The following BBX variants were observed in gnomAD, a reference collection of about 807,000 sequenced individuals.
BBX encodes HMG box transcription factor BBX.
A neutral mutation model predicts 100.2 loss-of-function variants in BBX; 30 were observed. That is an observed-to-expected ratio of 0.30 (90% CI 0.22 to 0.41). The LOEUF is 0.41. BBX is among the 10% of genes least tolerant of loss of function. The pLI is 1.00. For synonymous variants in BBX, 376 were observed against 388.1 expected (o/e 0.97, Z 0.37); for missense variants, 1,023 against 1,129.8 (o/e 0.91, Z 1.35).
intron 2 of BBX, among the ~76,000 whole-genome samples, chr3:107,574,266 A>G (rs935800649): frequency 3.3e-5 from 5 of 152,210 alleles, no homozygotes; most frequent in Non-Finnish European, 1.5e-5. Context: ...TGGAAAGGTT[A>G]GGTAGGTAAT....
At position 107,620,237 on chromosome 3, in the gene BBX, G is replaced by A. The variant is rs143686071; in HGVS notation, c.-83-25599G>A. Among the ~76,000 whole-genome samples, 1,039 of 151,980 alleles carry A rather than the reference G, an allele frequency of 6.8e-3. 15 individuals carry two copies. The highest frequency in any genetic ancestry group is 0.023 in the African/African-American group (959 of 41,446). On this transcript the variant is annotated intron_variant, in intron 2 of 17. Coordinates refer to ENST00000325805, the MANE Select transcript of BBX (RefSeq NM_001142568.3). ...GCTTTTAGTTCCAAAATTTCCATTT[G>A]GTTCTACTAATATATCTTCTGTTTC...
At chr3:107,639,331 T>A (rs550067424) in intron 2 of BBX, among the ~76,000 whole-genome samples, 12 of 152,284 alleles carry the variant, frequency 7.9e-5, no homozygotes, top group African/African-American at 2.9e-4. Context: ...TTCCTGAAGG[T>A]GCAGGCTGAT....
chr3:107,660,155 C>T (rs1195127620), intron 3 of BBX, among the ~76,000 whole-genome samples: 1 of 151,930 alleles, frequency 6.6e-6, no homozygotes, highest in Non-Finnish European at 1.5e-5. Flanking sequence ...TATAGTATCA[C>T]TCATCTAGAT....
At chr3:107,704,153 G>GT (rs1481649923) in intron 3 of BBX, among the ~76,000 whole-genome samples, 6 of 152,108 alleles carry the variant, frequency 3.9e-5, no homozygotes, top group African/African-American at 1.4e-4. Flanking sequence ...GCATCAGAGT[G>GT]TTTTTGTGAG....
chr3:107,571,854 T>G (rs1285361063), intron 2 of BBX, among the ~76,000 whole-genome samples: 1 of 152,230 alleles, frequency 6.6e-6, no homozygotes, highest in African/African-American at 2.4e-5. Flanking sequence ...GCTCAGTGTT[T>G]GGTTCCTGTG....
At chr3:107,720,145 G>A (rs1198639565) in intron 5 of BBX, among the ~76,000 whole-genome samples, 1 of 152,050 alleles carries the variant, frequency 6.6e-6, no homozygotes, top group African/African-American at 2.4e-5. Flanking sequence ...CTTCAGAGCA[G>A]GAATCTAAGG....
chr3:107,697,820 C>T (rs1030755367), intron 3 of BBX, among the ~76,000 whole-genome samples: 8 of 151,888 alleles, frequency 5.3e-5, no homozygotes, highest in African/African-American at 1.9e-4. Context: ...GCAGTTTGAT[C>T]TCAGACTGCT....
intron 2 of BBX, among the ~76,000 whole-genome samples, chr3:107,629,956 A>G (rs2056443611): frequency 6.6e-6 from 1 of 152,152 alleles, no homozygotes; most frequent in African/African-American, 2.4e-5. Flanking sequence ...GTCTTGCTAT[A>G]AAAGAGAATA....
chr3:107,624,003 C>T (rs375946528), intron 2 of BBX, among the ~76,000 whole-genome samples: 4 of 152,262 alleles, frequency 2.6e-5, no homozygotes, highest in African/African-American at 9.6e-5. Context: ...TATCTTTTGA[C>T]CACCCATCGC....
intron 7 of BBX, among the ~76,000 whole-genome samples, chr3:107,742,493 T>C (rs1292257069): frequency 6.6e-6 from 1 of 152,120 alleles, no homozygotes; most frequent in East Asian, 1.9e-4. Flanking sequence ...GCTAAATCCG[T>C]AATGCTTTAA....
At chr3:107,766,135 A>T (rs2066376106) in intron 10 of BBX, among the ~76,000 whole-genome samples, 1 of 152,214 alleles carries the variant, frequency 6.6e-6, no homozygotes, top group Admixed American at 6.5e-5. Context: ...CTGAACATGC[A>T]AATAAGCACT....
intron 12 of BBX, among the ~76,000 whole-genome samples, chr3:107,777,329 A>T (rs1431114723): frequency 1.3e-5 from 2 of 152,004 alleles, no homozygotes; most frequent in Non-Finnish European, 2.9e-5. Context: ...TGGTCATCTG[A>T]CCCTCTTATC....
At chr3:107,565,443 T>TTTATTTA (rs1553727727) in intron 2 of BBX, among the ~76,000 whole-genome samples, 5 of 136,966 alleles carry the variant, frequency 3.7e-5, no homozygotes, top group African/African-American at 8.2e-5. Context: ...AATAGTTTTA[T>TTTATTTA]TTTATTTATT....
intron 3 of BBX, among the ~76,000 whole-genome samples, chr3:107,701,057 A>C (rs910949346): frequency 2.6e-5 from 4 of 151,982 alleles, no homozygotes; most frequent in Non-Finnish European, 4.4e-5. Flanking sequence ...AGTCCCACCA[A>C]CAGTGTAAAA....
chr3:107,525,059 G>A (rs989213860), intron 1 of BBX, among the ~76,000 whole-genome samples: 2 of 150,064 alleles, frequency 1.3e-5, no homozygotes, highest in Admixed American at 1.3e-4. Context: ...GCGGCGTGGG[G>A]GCCCCCACGC....
chr3:107,771,674 C>T (rs1042113030), intron 10 of BBX, among the ~76,000 whole-genome samples: 3 of 152,102 alleles, frequency 2.0e-5, no homozygotes, highest in Admixed American at 6.5e-5. Context: ...GATCAATTTG[C>T]CAGCAAGTGA....
chr3:107,741,312 A>C (rs2064088037), intron 7 of BBX, among the ~76,000 whole-genome samples: 2 of 152,082 alleles, frequency 1.3e-5, no homozygotes, highest in Admixed American at 1.3e-4. Flanking sequence ...TCACTATGTG[A>C]ATTGCTCCTG....
rs192455692 is a variant in BBX, at chr3:107,642,701, A to G, written c.-83-3135A>G. Among the ~76,000 whole-genome samples, 196 of 152,228 alleles carry G rather than the reference A, an allele frequency of 1.3e-3. 3 individuals are homozygous for G. Among genetic ancestry groups the G allele is most frequent in the Non-Finnish European group, 2.4e-4 (16 of 68,012 alleles). On this transcript the variant is annotated intron_variant, in intron 2 of 17. Coordinates refer to ENST00000325805, the MANE Select transcript of BBX (RefSeq NM_001142568.3). ...TCTGTTCTCCAGAGGATGAGGAAAAAATCCTTATTTCCTTTTTCTAGCAGT... is the reference window on the plus strand; with the variant it reads ...TCTGTTCTCCAGAGGATGAGGAAAAGATCCTTATTTCCTTTTTCTAGCAGT...
At chr3:107,740,741 A>G (rs1289837270) in intron 7 of BBX, among the ~76,000 whole-genome samples, 1 of 151,726 alleles carries the variant, frequency 6.6e-6, no homozygotes, top group Non-Finnish European at 1.5e-5. Context: ...TCATTTCTAC[A>G]CTTGTGAGAG....
Sources: allele counts gnomAD v4.1 joint callset (sites outside exome capture counted in the v4.1 genomes callset), GRCh38; gene constraint gnomAD v4.1.1; transcripts MANE v1.5; gene names NCBI Gene and HGNC (gene_info 2026-07-23, HGNC 2026-07-21).